The following SLC24A2 variants were observed in gnomAD, a reference collection of about 807,000 sequenced individuals.
SLC24A2 encodes the protein solute carrier family 24 member 2, also known as sodium/potassium/calcium exchanger 2.
SLC24A2 carries 36 observed loss-of-function variants against 62.0 expected under a neutral mutation model. The observed-to-expected ratio is 0.58, with a 90% confidence interval of 0.44 to 0.77. The LOEUF (loss-of-function observed/expected upper bound fraction) is 0.77, where lower values mean the gene tolerates loss of function less well. Among genes scored for constraint, SLC24A2 ranks in the 30% least tolerant of loss-of-function variants. The pLI, the probability that SLC24A2 is intolerant of heterozygous loss-of-function variation, is 0.00. For synonymous variants in SLC24A2, 358 were observed against 294.0 expected (o/e 1.22, Z -2.23); for missense variants, 846 against 817.9 (o/e 1.03, Z -0.42).
the SLC24A2 span, among the ~76,000 whole-genome samples, chr9:20,164,027 C>A: frequency 6.6e-6 from 1 of 152,052 alleles, no homozygotes; most frequent in African/African-American, 2.4e-5. Context: ...ACCATAAAAA[C>A]CCTAGAAGAA....
At chr9:20,215,444 C>G in the SLC24A2 span, among the ~76,000 whole-genome samples, 1 of 151,852 alleles carries the variant, frequency 6.6e-6, no homozygotes, top group African/African-American at 2.4e-5. Context: ...ACAAAGTTAC[C>G]TTCCTGAAAA....
At chr9:20,154,242 A>G in the SLC24A2 span, among the ~76,000 whole-genome samples, 1 of 151,880 alleles carries the variant, frequency 6.6e-6, no homozygotes, top group African/African-American at 2.4e-5. Flanking sequence ...TAATAATAAA[A>G]TCAAACTATT....
At chr9:19,524,838 A>C (rs563391859) in intron 9 of SLC24A2, among the ~76,000 whole-genome samples, 2 of 152,364 alleles carry the variant, frequency 1.3e-5, no homozygotes, top group East Asian at 3.9e-4. Context: ...GGTAATCATT[A>C]AAAAGAAAAA....
At chr9:20,010,230 G>A in the SLC24A2 span, among the ~76,000 whole-genome samples, 1 of 152,100 alleles carries the variant, frequency 6.6e-6, no homozygotes, top group African/African-American at 2.4e-5. Flanking sequence ...ACAATCCCAG[G>A]CTAGACTAAA....
At chr9:19,972,958 A>C in the SLC24A2 span, among the ~76,000 whole-genome samples, 1 of 152,274 alleles carries the variant, frequency 6.6e-6, no homozygotes, top group Middle Eastern at 3.4e-3. Context: ...TGTTAAGCTC[A>C]TCTTTTGGGG....
At chr9:20,117,181 G>A in the SLC24A2 span, among the ~76,000 whole-genome samples, 1 of 152,132 alleles carries the variant, frequency 6.6e-6, no homozygotes, top group African/African-American at 2.4e-5. Context: ...AGACAACTAG[G>A]TTCTGGCCAG....
At chr9:20,033,076 G>T in the SLC24A2 span, among the ~76,000 whole-genome samples, 10 of 152,300 alleles carry the variant, frequency 6.6e-5, no homozygotes, top group South Asian at 2.1e-3. Flanking sequence ...CGAACTCACA[G>T]ATTTAGATTT....
chr9:20,165,600 A>G, the SLC24A2 span, among the ~76,000 whole-genome samples: 1 of 151,906 alleles, frequency 6.6e-6, no homozygotes, highest in African/African-American at 2.4e-5. Flanking sequence ...AAAAAGAAAA[A>G]AATACAACCA....
At chr9:19,850,982 TATGTATATATATATATATAC>T in the SLC24A2 span, among the ~76,000 whole-genome samples, 519 of 42,040 alleles carry the variant, frequency 0.012, 26 homozygotes, top group Non-Finnish European at 0.019. Flanking sequence ...TATATATATA[TATGTATATATATATATATAC>T]ACATACATAT....
At chr9:20,236,538 A>G in the SLC24A2 span, among the ~76,000 whole-genome samples, 1 of 152,156 alleles carries the variant, frequency 6.6e-6, no homozygotes, top group East Asian at 1.9e-4. Context: ...TGTCGAAGGG[A>G]TGTCTATTTA....
chr9:20,132,479 T>A, the SLC24A2 span, among the ~76,000 whole-genome samples: 2 of 152,140 alleles, frequency 1.3e-5, no homozygotes, highest in Non-Finnish European at 2.9e-5. Context: ...TTTGGGGCCA[T>A]GATACAGTTC....
the SLC24A2 span, among the ~76,000 whole-genome samples, chr9:19,943,622 A>T: frequency 6.6e-6 from 1 of 152,232 alleles, no homozygotes; most frequent in East Asian, 1.9e-4. Context: ...CTTCTCTAAA[A>T]TAATTAGGAG....
chr9:20,140,256 G>T, the SLC24A2 span, among the ~76,000 whole-genome samples: 5 of 152,264 alleles, frequency 3.3e-5, no homozygotes, highest in Admixed American at 2.0e-4. Context: ...TGTCTTTTGT[G>T]GGGGAGGGAG....
At chr9:19,860,687 C>T in the SLC24A2 span, among the ~76,000 whole-genome samples, 4 of 152,114 alleles carry the variant, frequency 2.6e-5, no homozygotes, top group Non-Finnish European at 5.9e-5. Context: ...ATTTTTGGAC[C>T]TGCCCTGGGC....
At chr9:20,072,659 A>G in the SLC24A2 span, among the ~76,000 whole-genome samples, 1 of 152,090 alleles carries the variant, frequency 6.6e-6, no homozygotes, top group Admixed American at 6.6e-5. Flanking sequence ...ATGTAATCGC[A>G]ATGATCTTTT....
the SLC24A2 span, among the ~76,000 whole-genome samples, chr9:20,060,392 A>G: frequency 6.6e-6 from 1 of 152,150 alleles, no homozygotes; most frequent in African/African-American, 2.4e-5. Flanking sequence ...CATAGATGCA[A>G]AAATCCTTAA....
chr9:19,773,626 T>C (rs1822756268), intron 2 of SLC24A2, among the ~76,000 whole-genome samples: 1 of 152,214 alleles, frequency 6.6e-6, no homozygotes, highest in East Asian at 1.9e-4. Context: ...TCTTGAAGCA[T>C]TAAGCGCCCT....
Position 19,514,313 on chromosome 9 carries a change from C to A in SLC24A2, c.*1840G>T, listed in dbSNP as rs543680159. On this transcript the variant is annotated 3_prime_UTR_variant, in exon 11 of 11. Coordinates refer to ENST00000341998, the MANE Select transcript of SLC24A2 (RefSeq NM_020344.4). Reference sequence around the variant, plus strand: ...GTGCTCACAACAAAATCATAGCAGGCGTCAATGACAGAATAGATTGGAGAT... The same window carrying A: ...GTGCTCACAACAAAATCATAGCAGGAGTCAATGACAGAATAGATTGGAGAT... 3 of 152,080 alleles carry A rather than the reference C, an allele frequency of 2.0e-5. No homozygotes were observed. In the South Asian group the frequency reaches 6.2e-4, roughly 32 times the overall value. The allele number at this position is 152,080 out of a possible 1,614,324, so 9.4% of individuals were successfully genotyped here.
the SLC24A2 span, among the ~76,000 whole-genome samples, chr9:19,983,813 G>A: frequency 6.6e-6 from 1 of 152,182 alleles, no homozygotes; most frequent in African/African-American, 2.4e-5. Flanking sequence ...ATCTAAGGAG[G>A]TGAAAGACTT....
Sources: gnomAD v4.1 joint callset for allele counts (sites outside exome capture counted in the v4.1 genomes callset) on GRCh38, gnomAD v4.1.1 for gene constraint, MANE v1.5 for transcripts, NCBI Gene and HGNC (gene_info 2026-07-23, HGNC 2026-07-21) for gene names.